The following KIAA1328 variants were observed in gnomAD, a reference collection of about 807,000 sequenced individuals.
KIAA1328 encodes protein hinderin.
KIAA1328 carries 52 observed loss-of-function variants against 68.1 expected under a neutral mutation model. That is an observed-to-expected ratio of 0.76 (90% CI 0.61 to 0.96). The LOEUF (loss-of-function observed/expected upper bound fraction) is 0.96, where lower values mean the gene tolerates loss of function less well. Among genes scored for constraint, KIAA1328 ranks in the 40% least tolerant of loss-of-function variants. The probability of loss-of-function intolerance (pLI) is 0.00; values close to 1 mark genes in which losing one functional copy is unlikely to be tolerated. For synonymous variants in KIAA1328, 232 were observed against 239.4 expected, an observed-to-expected ratio of 0.97 and a Z score of 0.28; for missense variants, 641 against 677.6, an observed-to-expected ratio of 0.95 and a Z score of 0.60.
At chr18:37,221,931 C>T (rs958184467) in intron 9 of KIAA1328, 86 bp from the exon 10 acceptor site, 34 of 1,318,626 alleles carry the variant, frequency 2.6e-5, no homozygotes, top group Admixed American at 6.1e-5. Flanking sequence ...TAATTCTTGC[C>T]CTGGACAGCC....
At chr18:36,883,742 A>G (rs2048396453) in intron 4 of KIAA1328, among the ~76,000 whole-genome samples, 1 of 152,088 alleles carries the variant, frequency 6.6e-6, no homozygotes, top group East Asian at 1.9e-4. Flanking sequence ...TTTATGCATC[A>G]TCCTACAGAT....
At chr18:36,880,139 AC>A (rs1332955359) in intron 4 of KIAA1328, among the ~76,000 whole-genome samples, 1 of 152,042 alleles carries the variant, frequency 6.6e-6, no homozygotes, top group African/African-American at 2.4e-5. Flanking sequence ...TGTGCTTTAT[AC>A]CCAGGGCCCT....
intron 5 of KIAA1328, among the ~76,000 whole-genome samples, chr18:36,955,274 GGCA>G (rs1346596713): frequency 6.6e-6 from 1 of 150,958 alleles, no homozygotes; most frequent in East Asian, 2.0e-4. Flanking sequence ...TGGGATTACA[GGCA>G]CCACCACACC....
intron 7 of KIAA1328, among the ~76,000 whole-genome samples, chr18:37,072,459 A>AT (rs1359713051): frequency 3.3e-5 from 5 of 152,002 alleles, no homozygotes; most frequent in African/African-American, 1.2e-4. Flanking sequence ...TTTTACTGTG[A>AT]TATGTCTTGA....
chr18:36,901,098 C>T (rs1013229871), intron 5 of KIAA1328, among the ~76,000 whole-genome samples: 2 of 152,102 alleles, frequency 1.3e-5, no homozygotes, highest in Non-Finnish European at 1.5e-5. Flanking sequence ...TAGAGTTCTG[C>T]TTCTGAAATG....
At chr18:37,025,314 C>T (rs368226327) in intron 6 of KIAA1328, among the ~76,000 whole-genome samples, 10 of 152,114 alleles carry the variant, frequency 6.6e-5, no homozygotes, top group Non-Finnish European at 1.5e-4. Context: ...GACAGATCAA[C>T]GAGTCAGAAA....
rs768762795 is a variant in KIAA1328 at position 37,084,240 on chromosome 18, T to C, written c.1232+16695T>C. 4 of 1,450,708 alleles carry C rather than the reference T, an allele frequency of 2.8e-6. No individual in the cohort carries two copies. In the Admixed American group the frequency reaches 7.8e-5, roughly 28 times the overall value. The allele number at this position is 1,450,708 out of a possible 1,614,324, so 89.9% of individuals were successfully genotyped here. On this transcript the variant is annotated intron_variant, in intron 7 of 9. Transcript: ENST00000280020. ...CAGTGACTCTGGACCAAGGTAAACCTGAAGTCTCAGTTAAAACAAGAATCT... is the reference window on the plus strand; with the variant it reads ...CAGTGACTCTGGACCAAGGTAAACCCGAAGTCTCAGTTAAAACAAGAATCT...
intron 9 of KIAA1328, among the ~76,000 whole-genome samples, chr18:37,187,045 T>C (rs920335626): frequency 3.9e-5 from 6 of 152,008 alleles, no homozygotes; most frequent in East Asian, 1.9e-4. Context: ...GCACCTGTAG[T>C]TTTAGCTACT....
chr18:37,115,430 T>G (rs1168706599), intron 7 of KIAA1328, among the ~76,000 whole-genome samples: 1 of 152,156 alleles, frequency 6.6e-6, no homozygotes, highest in African/African-American at 2.4e-5. Flanking sequence ...ATTATCTCAA[T>G]AGATGCAGAA....
intron 5 of KIAA1328, among the ~76,000 whole-genome samples, chr18:36,886,910 C>T (rs2048520311): frequency 6.6e-6 from 1 of 152,068 alleles, no homozygotes; most frequent in Admixed American, 6.6e-5. Flanking sequence ...AAGACTGTAG[C>T]TATAAAAACA....
intron 8 of KIAA1328, 69 bp downstream of exon 8, chr18:37,160,450 T>G (rs935197657): frequency 1.2e-5 from 17 of 1,398,522 alleles, no homozygotes; most frequent in Non-Finnish European, 1.5e-5. Context: ...CCAATGAATT[T>G]CAGATGATTT....
At chr18:36,935,237 G>A (rs1217257565) in intron 5 of KIAA1328, among the ~76,000 whole-genome samples, 1 of 152,176 alleles carries the variant, frequency 6.6e-6, no homozygotes, top group East Asian at 1.9e-4. Context: ...AGAAGGTGAT[G>A]GCCTACTAAA....
Position 37,160,186 on chromosome 18 carries a change from C to A in KIAA1328, c.1233-14C>A, listed in dbSNP as rs537598952. 3 of 1,603,368 alleles carry A rather than the reference C, an allele frequency of 1.9e-6. No homozygotes were observed. The highest frequency in any genetic ancestry group is 4.5e-5 in the East Asian group (2 of 44,672). On this transcript the variant is annotated splice_polypyrimidine_tract_variant and intron_variant, in intron 7 of 9. Coordinates refer to ENST00000280020, the MANE Select transcript of KIAA1328 (RefSeq NM_020776.3). ...TCTGTGCCTTCAACAGTTCATTCAT[C>A]GTTGTTCTTTCAGTTTATTGAAGTC...
At chr18:37,210,036 A>C (rs1359038436) in intron 9 of KIAA1328, among the ~76,000 whole-genome samples, 1 of 152,188 alleles carries the variant, frequency 6.6e-6, no homozygotes, top group Non-Finnish European at 1.5e-5. Context: ...GAAAATCAGG[A>C]GATGTCTACT....
Position 36,869,748 on chromosome 18 carries a change from C to A in KIAA1328, c.333-15809C>A, listed in dbSNP as rs1024634818. 2.6e-5 allele frequency among the ~76,000 whole-genome samples: 4 copies of A among 152,090 alleles called. No homozygotes were observed. The South Asian group carries it at 6.2e-4, about 24-fold the overall frequency. ...AGCTAAGGGAAGGGAGAAGAGGTAA[C>A]CAGAAATATATATATGGCAATTATT... On this transcript the variant is annotated intron_variant, in intron 4 of 9. Coordinates refer to ENST00000280020, the MANE Select transcript of KIAA1328 (RefSeq NM_020776.3).
intron 6 of KIAA1328, among the ~76,000 whole-genome samples, chr18:36,973,830 T>TACACACACACACACATACACACACAC (rs2052349689): frequency 3.4e-5 from 5 of 147,384 alleles, no homozygotes; most frequent in Middle Eastern, 3.4e-3. Flanking sequence ...CACACACACA[T>TACACACACACACACATACACACACAC]ACACACACAC....
At chr18:37,152,577 G>C (rs1055803860) in intron 7 of KIAA1328, among the ~76,000 whole-genome samples, 1 of 152,058 alleles carries the variant, frequency 6.6e-6, no homozygotes, top group African/African-American at 2.4e-5. Context: ...TCGTTTTGTT[G>C]GGTAGCACAT....
At chr18:37,109,949 C>T (rs772065178) in intron 7 of KIAA1328, among the ~76,000 whole-genome samples, 10 of 151,588 alleles carry the variant, frequency 6.6e-5, no homozygotes, top group Admixed American at 2.0e-4. Flanking sequence ...CAATCTGAAA[C>T]GGAGCTCTTG....
At chr18:36,899,371 CAT>C (rs1892744908) in intron 5 of KIAA1328, among the ~76,000 whole-genome samples, 2 of 151,782 alleles carry the variant, frequency 1.3e-5, no homozygotes, top group African/African-American at 4.8e-5. Flanking sequence ...TAAATAAATA[CAT>C]GTTACGTGAA....
Sources: gnomAD v4.1 joint callset for allele counts (sites outside exome capture counted in the v4.1 genomes callset) on GRCh38, gnomAD v4.1.1 for gene constraint, MANE v1.5 for transcripts, NCBI Gene and HGNC (gene_info 2026-07-23, HGNC 2026-07-21) for gene names.